The following SMAP1 variants were observed in gnomAD, a reference collection of about 807,000 sequenced individuals.
The protein encoded by SMAP1 is stromal membrane-associated protein 1.
In SMAP1, 24 loss-of-function variants were observed where a neutral mutation model predicts 58.5. That is an observed-to-expected ratio of 0.41 (90% CI 0.30 to 0.58). SMAP1 has a LOEUF of 0.58. Ranked by LOEUF, SMAP1 falls within the 20% of genes least tolerant of loss-of-function variation. The pLI is 0.29. For missense variants in SMAP1, 563 were observed against 566.3 expected (o/e 0.99, Z 0.06); for synonymous variants, 216 against 196.6 (o/e 1.10, Z -0.82).
intron 6 of SMAP1, among the ~76,000 whole-genome samples, chr6:70,811,432 A>G (rs1441434557): frequency 6.6e-6 from 1 of 152,134 alleles, no homozygotes; most frequent in Non-Finnish European, 1.5e-5. Context: ...AGATCCATGA[A>G]ACTGGGTCTC....
At chr6:70,752,220 G>A (rs1403715281) in intron 2 of SMAP1, among the ~76,000 whole-genome samples, 1 of 152,150 alleles carries the variant, frequency 6.6e-6, no homozygotes, top group Admixed American at 6.6e-5. Flanking sequence ...ACCTCTTTGT[G>A]CCTCAGTTTC....
intron 2 of SMAP1, among the ~76,000 whole-genome samples, chr6:70,735,716 C>T (rs532817268): frequency 1.4e-4 from 21 of 152,266 alleles, no homozygotes; most frequent in African/African-American, 5.1e-4. Flanking sequence ...TTGCAGTAAG[C>T]CAAGATCCTG....
intron 10 of SMAP1, chr6:70,859,266 A>T: frequency 1.7e-6 from 2 of 1,208,000 alleles, no homozygotes; most frequent in South Asian, 3.0e-5. Context: ...GCTGAAGCAC[A>T]CCCAGCTCAG....
intron 2 of SMAP1, among the ~76,000 whole-genome samples, chr6:70,753,401 C>G (rs1766359454): frequency 6.6e-6 from 1 of 152,134 alleles, no homozygotes; most frequent in Non-Finnish European, 1.5e-5. Flanking sequence ...TCATTGCAGA[C>G]TAAGGCATTT....
chr6:70,744,257 T>C (rs1461816179), intron 2 of SMAP1, among the ~76,000 whole-genome samples: 1 of 151,846 alleles, frequency 6.6e-6, no homozygotes, highest in African/African-American at 2.4e-5. Context: ...ATGTGCCACG[T>C]TGGTTTGCTG....
At chr6:70,733,305 T>C (rs1309974127) in intron 2 of SMAP1, among the ~76,000 whole-genome samples, 3 of 152,218 alleles carry the variant, frequency 2.0e-5, no homozygotes, top group Non-Finnish European at 4.4e-5. Flanking sequence ...AAAAACAGAA[T>C]GGAGATCTTC....
chr6:70,668,634 G>A (rs1562081162), intron 1 of SMAP1: 6 of 1,535,834 alleles, frequency 3.9e-6, no homozygotes, highest in Non-Finnish European at 5.2e-6. Flanking sequence ...CCTAGATGGA[G>A]CCCTACCTGC....
At chr6:70,719,623 A>G (rs1768429798) in intron 1 of SMAP1, among the ~76,000 whole-genome samples, 1 of 152,100 alleles carries the variant, frequency 6.6e-6, no homozygotes, top group African/African-American at 2.4e-5. Context: ...CGTACCCGAG[A>G]CTGGGAAGAA....
Position 70,755,040 on chromosome 6 carries a change from A to C in SMAP1, c.313A>C (p.Asn105His), listed in dbSNP as rs757384199. The change falls in exon 3 of 11, where the codon AAC becomes CAC. Residue 105 changes from asparagine (N) to histidine (H), a missense_variant. This residue lies in a region of SMAP1 where 494 missense variants were observed against 473.8 expected (regional missense o/e 1.04). Coordinates refer to ENST00000370455, the MANE Select transcript of SMAP1 (RefSeq NM_001044305.3). ...ACTCTATGAAGCCAATCTTCCAGAG[A>C]ACTTTCGAAGACCACAGACAGATCA... ...RLLYEANLPE[N>H]FRRPQTDQAV... 4.3e-6 allele frequency: 7 copies of C among 1,610,672 alleles called. No individual in the cohort carries two copies. Among genetic ancestry groups the C allele is most frequent in the Non-Finnish European group, 5.9e-6 (7 of 1,177,550 alleles).
At chr6:70,732,654 T>C in intron 2 of SMAP1, 143 bp downstream of exon 2, 1 of 678,452 alleles carries the variant, frequency 1.5e-6, no homozygotes, top group Non-Finnish European at 2.1e-6. Flanking sequence ...TTGGAATATT[T>C]GAATTTTCAG....
intron 1 of SMAP1, among the ~76,000 whole-genome samples, chr6:70,706,553 C>T (rs532652831): frequency 6.6e-6 from 1 of 152,152 alleles, no homozygotes; most frequent in African/African-American, 2.4e-5. Context: ...AAAGTGAGTT[C>T]ATATTTTTGG....
intron 6 of SMAP1, among the ~76,000 whole-genome samples, chr6:70,833,524 T>C (rs1442438444): frequency 6.6e-6 from 1 of 152,222 alleles, no homozygotes; most frequent in Non-Finnish European, 1.5e-5. Flanking sequence ...TTGAAATCCA[T>C]CTAGAATAGC....
chr6:70,696,030 C>A (rs754841786), intron 1 of SMAP1, among the ~76,000 whole-genome samples: 3 of 152,112 alleles, frequency 2.0e-5, no homozygotes, highest in African/African-American at 4.8e-5. Flanking sequence ...AGGAAATTAT[C>A]CATTTCGTCT....
chr6:70,739,157 G>A (rs1011743528), intron 2 of SMAP1, among the ~76,000 whole-genome samples: 1 of 152,052 alleles, frequency 6.6e-6, no homozygotes, highest in Non-Finnish European at 1.5e-5. Context: ...AGAATGTATT[G>A]CTTTGATCCT....
rs564177258 is a variant in SMAP1, at chr6:70,730,373, A to G, written c.119-2005A>G. Among the ~76,000 whole-genome samples the G allele has an allele frequency of 2.0e-5, 3 of 152,272 alleles. No homozygotes were observed. In the South Asian group the frequency reaches 6.2e-4, roughly 32 times the overall value. ...TTCTGGCCCACTGCATATCTGTTTA[A>G]CCTTTCTTAGTTTGAGACTTACTTG... On this transcript the variant is annotated intron_variant, in intron 1 of 10. Coordinates refer to ENST00000370455, the MANE Select transcript of SMAP1 (RefSeq NM_001044305.3).
chr6:70,791,293 A>G (rs1270597800), intron 4 of SMAP1, among the ~76,000 whole-genome samples: 1 of 152,060 alleles, frequency 6.6e-6, no homozygotes, highest in African/African-American at 2.4e-5. Context: ...ACAAAAACTC[A>G]TTTTTGCTCT....
intron 8 of SMAP1, among the ~76,000 whole-genome samples, chr6:70,853,297 CCTT>C (rs1771259280): frequency 6.6e-6 from 1 of 151,514 alleles, no homozygotes; most frequent in African/African-American, 2.4e-5. Context: ...TTTTGAATTG[CCTT>C]CTTAACATTA....
intron 2 of SMAP1, among the ~76,000 whole-genome samples, chr6:70,741,466 C>G (rs1765812188): frequency 6.6e-6 from 1 of 152,250 alleles, no homozygotes; most frequent in African/African-American, 2.4e-5. Context: ...GCAGGCCACA[C>G]TGATGCAAGA....
intron 6 of SMAP1, among the ~76,000 whole-genome samples, chr6:70,823,128 A>G (rs1769965301): frequency 2.0e-5 from 3 of 152,182 alleles, no homozygotes; most frequent in Non-Finnish European, 4.4e-5. Context: ...ATAATTGAGT[A>G]TGGCTATGAT....
Sources: gnomAD v4.1 joint callset for allele counts (sites outside exome capture counted in the v4.1 genomes callset) on GRCh38, gnomAD v4.1.1 for gene constraint, gnomAD v4.1.1 regional missense constraint, MANE v1.5 for transcripts, NCBI Gene and HGNC (gene_info 2026-07-23, HGNC 2026-07-21) for gene names.